Variants in KALRN observed in about 807,000 individuals in gnomAD.
KALRN encodes kalirin.
KALRN carries 70 observed loss-of-function variants against 353.7 expected under a neutral mutation model. The ratio of observed to expected loss-of-function variants is 0.20; its 90% CI spans 0.16 to 0.24. The LOEUF (loss-of-function observed/expected upper bound fraction) is 0.24. Among genes scored for constraint, KALRN ranks in the 10% least tolerant of loss-of-function variants. KALRN has a pLI of 1.00. For synonymous variants in KALRN, 1,391 were observed against 1,434.8 expected (o/e 0.97, Z 0.69); for missense variants, 2,791 against 3,756.7 (o/e 0.74, Z 6.72).
chr3:124,387,971 G>T (rs775634154), intron 11 of KALRN, among the ~76,000 whole-genome samples: 2 of 151,794 alleles, frequency 1.3e-5, no homozygotes, highest in African/African-American at 4.8e-5. Flanking sequence ...TGCTAGGCAG[G>T]GTAGAAAATA....
chr3:124,585,091 C>T (rs1394416393), intron 34 of KALRN, among the ~76,000 whole-genome samples: 2 of 152,196 alleles, frequency 1.3e-5, no homozygotes, highest in African/African-American at 2.4e-5. Context: ...CCAGACAGAA[C>T]GCGCGCGCTC....
chr3:124,314,627 C>A (rs757544329), intron 6 of KALRN, among the ~76,000 whole-genome samples: 2 of 152,130 alleles, frequency 1.3e-5, no homozygotes, highest in Non-Finnish European at 2.9e-5. Context: ...TTCTTCCACT[C>A]ATACAGGAAG....
chr3:124,642,424 C>T (rs949686529), intron 37 of KALRN, among the ~76,000 whole-genome samples: 3 of 152,150 alleles, frequency 2.0e-5, no homozygotes, highest in Non-Finnish European at 4.4e-5. Flanking sequence ...GGCTAATAAT[C>T]CTCTGCCTTT....
intron 11 of KALRN, among the ~76,000 whole-genome samples, chr3:124,391,763 T>G (rs1054225195): frequency 6.6e-6 from 1 of 152,240 alleles, no homozygotes; most frequent in African/African-American, 2.4e-5. Flanking sequence ...TTAAGTTTGC[T>G]GCCACCAGGC....
chr3:124,475,066 T>TA (rs1227057283), intron 26 of KALRN, among the ~76,000 whole-genome samples: 1 of 152,172 alleles, frequency 6.6e-6, no homozygotes, highest in African/African-American at 2.4e-5. Context: ...CCTAACCATT[T>TA]AAAAAAAATT....
intron 10 of KALRN, among the ~76,000 whole-genome samples, chr3:124,359,461 C>A (rs914800807): frequency 6.6e-6 from 1 of 152,220 alleles, no homozygotes; most frequent in African/African-American, 2.4e-5. Context: ...ATCTACCCCC[C>A]TAGTAGTCCC....
intron 49 of KALRN, among the ~76,000 whole-genome samples, chr3:124,675,845 A>C (rs373449695): frequency 2.6e-5 from 4 of 152,214 alleles, no homozygotes; most frequent in East Asian, 3.9e-4. Flanking sequence ...GGGGGCTTCC[A>C]TGAGCTATCT....
intron 1 of KALRN, among the ~76,000 whole-genome samples, chr3:124,169,750 A>G (rs1232081011): frequency 6.6e-6 from 1 of 152,162 alleles, no homozygotes; most frequent in African/African-American, 2.4e-5. Context: ...AGGAGTTATT[A>G]TCAACAGTGG....
intron 34 of KALRN, among the ~76,000 whole-genome samples, chr3:124,566,264 G>C (rs2072814389): frequency 6.6e-6 from 1 of 152,158 alleles, no homozygotes; most frequent in Admixed American, 6.5e-5. Flanking sequence ...ACTTTGGGAG[G>C]CTGAAGCAGG....
chr3:124,378,884 G>A (rs1045780829), intron 10 of KALRN, among the ~76,000 whole-genome samples: 1 of 150,660 alleles, frequency 6.6e-6, no homozygotes, highest in African/African-American at 2.4e-5. Context: ...TTATTTTTAT[G>A]TTCCTTGGTG....
intron 1 of KALRN, among the ~76,000 whole-genome samples, chr3:124,198,064 T>A (rs553246848): frequency 1.6e-4 from 24 of 152,322 alleles, no homozygotes; most frequent in Non-Finnish European, 2.5e-4. Flanking sequence ...GACAGACATA[T>A]AACAATGAGG....
chr3:124,125,066 T>C (rs939695881), intron 1 of KALRN, among the ~76,000 whole-genome samples: 1 of 152,170 alleles, frequency 6.6e-6, no homozygotes, highest in Non-Finnish European at 1.5e-5. Context: ...CAGAGTGGGG[T>C]ACAACCCTAG....
intron 25 of KALRN, among the ~76,000 whole-genome samples, chr3:124,463,377 G>A (rs1482722179): frequency 6.6e-6 from 1 of 152,230 alleles, no homozygotes; most frequent in East Asian, 1.9e-4. Flanking sequence ...TGCCAGGCTA[G>A]CAGAGGCATT....
chr3:124,301,515 C>A (rs1209283441), intron 6 of KALRN, among the ~76,000 whole-genome samples: 1 of 152,074 alleles, frequency 6.6e-6, no homozygotes, highest in Non-Finnish European at 1.5e-5. Flanking sequence ...AAGGGAAATC[C>A]CAGGGTTTTT....
chr3:124,517,978 A>T (rs910427135), intron 33 of KALRN, among the ~76,000 whole-genome samples: 3 of 152,254 alleles, frequency 2.0e-5, no homozygotes, highest in African/African-American at 7.2e-5. Context: ...CACTGTCACT[A>T]GGATCTCACA....
Position 124,657,464 on chromosome 3 carries a change from T to C in KALRN, c.5879T>C (p.Ile1960Thr), listed in dbSNP as rs772703622. ...CTGCTGCAGGGCTTCATGAAGAGAA[T>C]AGAAGAAAAGGGTGTCCCTGAGGAT... ...GIVVEGFMKRIEEKGVPEDMR... is the reference protein window; with the variant it reads ...GIVVEGFMKRTEEKGVPEDMR... The change falls in exon 40 of 60, where the codon ATA (isoleucine) becomes ACA (threonine). Residue 1960 changes from isoleucine (I) to threonine (T), a missense_variant. Transcript: ENST00000682506. The C allele has an allele frequency of 2.4e-5, 38 of 1,613,272 alleles. No homozygotes were observed. The East Asian group carries it at 3.3e-4, about 14-fold the overall frequency.
At chr3:124,273,263 G>A (rs1560427596) in intron 5 of KALRN, among the ~76,000 whole-genome samples, 2 of 152,184 alleles carry the variant, frequency 1.3e-5, no homozygotes, top group African/African-American at 2.4e-5. Context: ...TCCCAATTAA[G>A]TATCTAGGGA....
At chr3:124,117,125 G>A (rs1397673426) in intron 1 of KALRN, among the ~76,000 whole-genome samples, 1 of 152,130 alleles carries the variant, frequency 6.6e-6, no homozygotes, top group African/African-American at 2.4e-5. Flanking sequence ...TTTGAATTGG[G>A]GAAGTGGCAG....
At chr3:124,219,649 A>G (rs866551636) in intron 1 of KALRN, among the ~76,000 whole-genome samples, 1 of 152,044 alleles carries the variant, frequency 6.6e-6, no homozygotes, top group Non-Finnish European at 1.5e-5. Flanking sequence ...TAGAAATCCC[A>G]TGGTCAAGGA....
Sources: gnomAD v4.1 joint callset for allele counts (sites outside exome capture counted in the v4.1 genomes callset) on GRCh38, gnomAD v4.1.1 for gene constraint, MANE v1.5 for transcripts, NCBI Gene and HGNC (gene_info 2026-07-23, HGNC 2026-07-21) for gene names.